The following ABCB8 variants were observed in gnomAD, a reference collection of about 807,000 sequenced individuals.
ABCB8 encodes the protein mitochondrial potassium channel ATP-binding subunit.
Under a neutral mutation model 73.0 loss-of-function variants are expected in ABCB8, and 52 were observed. The observed-to-expected ratio is 0.71, with a 90% confidence interval of 0.57 to 0.90. The LOEUF (loss-of-function observed/expected upper bound fraction) is 0.90, where lower values mean the gene tolerates loss of function less well. Among genes scored for constraint, ABCB8 ranks in the 40% least tolerant of loss-of-function variants. ABCB8 has a pLI of 0.00. For missense variants in ABCB8, 909 were observed against 974.6 expected (o/e 0.93, Z 0.90); for synonymous variants, 428 against 423.5 (o/e 1.01, Z -0.13).
chr7:151,040,952 C>T (rs1563301091), intron 12 of ABCB8, 30 bp downstream of exon 12: 1 of 1,598,646 alleles, frequency 6.3e-7, no homozygotes, highest in East Asian at 2.3e-5. Flanking sequence ...TCTTCACCCT[C>T]TGACTCTTCT....
At position 151,033,890 on chromosome 7, in the gene ABCB8, C is replaced by A; in HGVS notation, c.381C>A (p.His127Gln). 6.2e-7 allele frequency: 1 copy of A among 1,606,508 alleles called. No individual in the cohort carries two copies. The highest frequency in any genetic ancestry group is 8.5e-7 in the Non-Finnish European group (1 of 1,175,218). The change falls in exon 2 of 16, where the codon CAC becomes CAA. Residue 127 changes from histidine (H) to glutamine (Q), a missense_variant. Physicochemically the swap from His to Gln is conservative, Grantham distance 24 (BLOSUM62 0). Coordinates refer to ENST00000358849, the MANE Select transcript of ABCB8 (RefSeq NM_007188.5). ...WKLFWQFLHP[H>Q]LLVLGVAVVL... Reference sequence around the variant, plus strand: ...TCTTCTGGCAGTTTCTGCACCCCCACCTGCTGGTCCTGGGGGTAGCCGTCG... The same window carrying A: ...TCTTCTGGCAGTTTCTGCACCCCCAACTGCTGGTCCTGGGGGTAGCCGTCG...
At chr7:151,041,027 C>G (rs951302779) in intron 12 of ABCB8, 72 bp from the exon 13 acceptor site, 54 of 1,607,940 alleles carry the variant, frequency 3.4e-5, no homozygotes, top group Non-Finnish European at 4.5e-5. Context: ...CCTCCACTGC[C>G]ACAAGGGGCC....
At chr7:151,040,956 C>G (rs1290106550) in intron 12 of ABCB8, 34 bp downstream of exon 12, 6 of 1,599,018 alleles carry the variant, frequency 3.8e-6, no homozygotes, top group Non-Finnish European at 5.1e-6. Context: ...CACCCTCTGA[C>G]TCTTCTCTAG....
chr7:151,037,473 C>A (rs571834475), intron 9 of ABCB8: 4 of 627,254 alleles, frequency 6.4e-6, no homozygotes, highest in Non-Finnish European at 1.2e-5. Flanking sequence ...GAGCTGATCA[C>A]CAGACAGCTC....
Position 151,028,586 on chromosome 7 carries a change from G to A in ABCB8, c.71G>A (p.Arg24His), listed in dbSNP as rs761485323. 1.9e-6 allele frequency: 3 copies of A among 1,613,754 alleles called. No individual in the cohort carries two copies. Among genetic ancestry groups the A allele is most frequent in the African/African-American group, 1.3e-5 (1 of 74,934 alleles). The part of the protein sequence containing the change: ...PFPGRLLPPL[R>H]FQTFSAVRYS... ...CCAGGCAGGCTGCTACCGCCCCTCC[G>A]CTTCCAGACATTCTCAGCTGTCAGG... Residue 24 changes from arginine to histidine, a missense_variant, in exon 1 of 16, where the codon CGC becomes CAC. Coordinates refer to ENST00000358849, the MANE Select transcript of ABCB8 (RefSeq NM_007188.5).
rs775769304 is a variant in ABCB8 at position 151,045,716 on chromosome 7, C to A, written c.*367C>A. 5 of 204,170 alleles carry A rather than the reference C, an allele frequency of 2.4e-5. No homozygotes were observed. Among genetic ancestry groups the A allele is most frequent in the Non-Finnish European group, 4.9e-5 (5 of 102,906 alleles). 12.6% of individuals were successfully genotyped at this position (204,170 alleles called of 1,614,324 possible). On this transcript the variant is annotated 3_prime_UTR_variant, in exon 16 of 16. Transcript: ENST00000358849. ...CCCCACCCAGCAGCTTCAAATTGGCCAGGCCTACAGTAGCTCCAGGGAATT... is the reference window on the plus strand; with the variant it reads ...CCCCACCCAGCAGCTTCAAATTGGCAAGGCCTACAGTAGCTCCAGGGAATT...
At chr7:151,043,882 G>C in intron 14 of ABCB8, 89 bp from the exon 15 acceptor site, 1 of 1,558,114 alleles carries the variant, frequency 6.4e-7, no homozygotes, top group South Asian at 1.2e-5. Flanking sequence ...AGAGGATCTT[G>C]ATGGGCGTTC....
rs980814290 is a variant in ABCB8 at position 151,046,664 on chromosome 7, C to T, written c.*1315C>T. On this transcript the variant is annotated 3_prime_UTR_variant, in exon 16 of 16. Transcript: ENST00000358849. Reference sequence around the variant, plus strand: ...AGAGGTGGTACCTGCAATGCACCTTCACAGCCAGGCAAGCATTCTGGATTT... The same window carrying T: ...AGAGGTGGTACCTGCAATGCACCTTTACAGCCAGGCAAGCATTCTGGATTT... 6.6e-6 allele frequency: 1 copy of T among 152,304 alleles called. No individual in the cohort carries two copies. Among genetic ancestry groups the T allele is most frequent in the Non-Finnish European group, 1.5e-5 (1 of 68,086 alleles). 9.4% of individuals were successfully genotyped at this position (152,304 alleles called of 1,614,324 possible). A position where few individuals can be genotyped will look rare whatever the true frequency, so the allele number is the denominator to read the frequency against.
chr7:151,032,931 C>T (rs949130515), intron 1 of ABCB8: 6 of 442,766 alleles, frequency 1.4e-5, no homozygotes, highest in Non-Finnish European at 2.3e-5. Context: ...ACATGGCACA[C>T]TGGCAGAGTA....
intron 12 of ABCB8, 81 bp from the exon 13 acceptor site, chr7:151,041,018 C>T: frequency 2.5e-6 from 4 of 1,608,436 alleles, no homozygotes; most frequent in Admixed American, 1.7e-5. Context: ...GGGTCCCTTC[C>T]TCCACTGCCA....
chr7:151,034,583 T>G lies in ABCB8; in HGVS notation c.643T>G (p.Phe215Val). ...GGCTGTGGACATGCGGAGGGCCCTC[T>G]TCAGCTCCCTGCTCCGGTACTGCCA... ...RMAVDMRRAL[F>V]SSLLRQDITF... Residue 215 changes from phenylalanine to valine, a missense_variant, in exon 4 of 16, where the codon TTC becomes GTC. Coordinates refer to ENST00000358849, the MANE Select transcript of ABCB8 (RefSeq NM_007188.5). 6.2e-7 allele frequency: 1 copy of G among 1,613,782 alleles called. No individual in the cohort carries two copies. Among genetic ancestry groups the G allele is most frequent in the Non-Finnish European group, 8.5e-7 (1 of 1,179,996 alleles).
rs1796481665 is a variant in ABCB8 at position 151,042,047 on chromosome 7, C to T, written c.1704C>T (p.Ala568=). The change falls in exon 14 of 16, where the codon GCC becomes GCT. Residue 568 remains alanine (A), a synonymous_variant. Coordinates refer to ENST00000358849, the MANE Select transcript of ABCB8 (RefSeq NM_007188.5). ...EASDEEVYTA[A]REANAHEFIT... The stretch of plus-strand genomic sequence containing the variant: ...CCGATGAAGAGGTGTACACAGCCGC[C>T]CGGGAAGCGAATGCTCACGAGTTCA... 6.2e-7 allele frequency: 1 copy of T among 1,613,162 alleles called. No individual in the cohort carries two copies. Among genetic ancestry groups the T allele is most frequent in the Non-Finnish European group, 8.5e-7 (1 of 1,179,996 alleles).
In ABCB8 at chr7:151,033,812, C is replaced by T. The variant is rs145393109; in HGVS notation, c.303C>T (p.Ala101=). Residue 101 remains alanine (A), a synonymous_variant, in exon 2 of 16, where the codon GCC becomes GCT. Coordinates refer to ENST00000358849, the MANE Select transcript of ABCB8 (RefSeq NM_007188.5). Reference sequence around the variant, plus strand: ...TGGCCCTGTGTGAGGCAGAAGAGGCCCCTCCTGCCAGCTCCACACCCCATG... The same window carrying T: ...TGGCCCTGTGTGAGGCAGAAGAGGCTCCTCCTGCCAGCTCCACACCCCATG... ...CLVALCEAEE[A]PPASSTPHVV... 4.4e-4 allele frequency: 709 copies of T among 1,614,028 alleles called. 2 individuals are homozygous for T. In the African/African-American group the frequency reaches 5.9e-3, roughly 14 times the overall value.
intron 9 of ABCB8, chr7:151,037,189 C>T (rs532399727): frequency 8.5e-6 from 6 of 703,002 alleles, no homozygotes; most frequent in Non-Finnish European, 2.6e-6. Context: ...TAAGTGGAGT[C>T]AGACTATGTC....
chr7:151,030,469 T>G (rs1031627535), intron 1 of ABCB8, among the ~76,000 whole-genome samples: 1 of 149,846 alleles, frequency 6.7e-6, no homozygotes, highest in African/African-American at 2.5e-5. Context: ...GAGCCGAGAT[T>G]GTGCCATTGC....
At position 151,045,497 on chromosome 7, in the gene ABCB8, C is replaced by G; in HGVS notation, c.*148C>G. ...CTCCTGCTCACAATAAAGCCGGGGC[C>G]GAGCAGCTGGCAGGGGAGGCCAATC... is the stretch of plus-strand genomic sequence containing the variant. On this transcript the variant is annotated 3_prime_UTR_variant, in exon 16 of 16. Transcript: ENST00000358849. 1 of 1,075,500 alleles carries G rather than the reference C, an allele frequency of 9.3e-7. No individual in the cohort carries two copies. Among genetic ancestry groups the G allele is most frequent in the East Asian group, 3.2e-5 (1 of 30,882 alleles). The allele number at this position is 1,075,500 out of a possible 1,614,324, so 66.6% of individuals were successfully genotyped here.
intron 9 of ABCB8, chr7:151,037,747 C>T (rs1209041953): frequency 8.2e-6 from 2 of 242,900 alleles, no homozygotes; most frequent in African/African-American, 4.5e-5. Flanking sequence ...TGTGTGTCCG[C>T]CGGATCAGAA....
intron 12 of ABCB8, 35 bp from the exon 13 acceptor site, chr7:151,041,064 C>T: frequency 6.2e-7 from 1 of 1,613,538 alleles, no homozygotes; most frequent in Non-Finnish European, 8.5e-7. Context: ...TCCCTAGAAT[C>T]CCTGGCCTCC....
rs1796517375 is a variant in ABCB8 at position 151,043,296 on chromosome 7, AC to A, written c.1766-672del. 2.0e-5 allele frequency among the ~76,000 whole-genome samples: 3 copies of A among 152,290 alleles called. No individual in the cohort carries two copies. The South Asian group carries it at 6.2e-4, about 32-fold the overall frequency. On this transcript the variant is annotated intron_variant, in intron 14 of 15. Coordinates refer to ENST00000358849, the MANE Select transcript of ABCB8 (RefSeq NM_007188.5). The stretch of plus-strand genomic sequence containing the variant: ...CAAGCCCTGCTGGCGGTGTCACACC[AC>A]CCTCAGAGGCAGGGCAAGTGTGCAC...
Sources: gnomAD v4.1 joint callset for allele counts (sites outside exome capture counted in the v4.1 genomes callset) on GRCh38, gnomAD v4.1.1 for gene constraint, MANE v1.5 for transcripts, NCBI Gene and HGNC (gene_info 2026-07-23, HGNC 2026-07-21) for gene names.